ZNF704: variants seen among roughly 807,000 people sequenced by gnomAD.
The protein encoded by ZNF704 is zinc finger protein 704.
A neutral mutation model predicts 44.7 loss-of-function variants in ZNF704; 10 were observed. The ratio of observed to expected loss-of-function variants is 0.22; its 90% CI spans 0.14 to 0.38. The LOEUF (loss-of-function observed/expected upper bound fraction) is 0.38, where lower values mean the gene tolerates loss of function less well. ZNF704 is among the 10% of genes least tolerant of loss of function. ZNF704 has a pLI of 1.00. For synonymous variants in ZNF704, 211 were observed against 207.6 expected, an observed-to-expected ratio of 1.02 and a Z score of -0.14; for missense variants, 390 against 545.5, an observed-to-expected ratio of 0.71 and a Z score of 2.84.
At chr8:80,850,244 G>A (rs766656078) in intron 1 of ZNF704, among the ~76,000 whole-genome samples, 28 of 151,758 alleles carry the variant, frequency 1.8e-4, no homozygotes, top group Non-Finnish European at 3.4e-4. Context: ...TTTTTTGTCC[G>A]TTATTTTTCT....
chr8:80,727,231 TTTC>T (rs1806496095), intron 2 of ZNF704, among the ~76,000 whole-genome samples: 1 of 152,142 alleles, frequency 6.6e-6, no homozygotes, highest in Non-Finnish European at 1.5e-5. Context: ...ATCGCACACA[TTTC>T]TCCCTTGCTA....
Position 80,635,905 on chromosome 8 carries a change from G to C in ZNF704, c.*5461C>G, listed in dbSNP as rs1474093315. 1 of 152,124 alleles carries C rather than the reference G, an allele frequency of 6.6e-6. No homozygotes were observed. The highest frequency in any genetic ancestry group is 1.9e-4 in the East Asian group (1 of 5,202). 9.4% of individuals were successfully genotyped at this position (152,124 alleles called of 1,614,324 possible). ...TATGCATCAAAACATTTGCTTAAAAGAGACATAGCCCTTTGTTTGGTGAGC... is the reference window on the plus strand; with the variant it reads ...TATGCATCAAAACATTTGCTTAAAACAGACATAGCCCTTTGTTTGGTGAGC... On this transcript the variant is annotated 3_prime_UTR_variant, in exon 9 of 9. Coordinates refer to ENST00000327835, the MANE Select transcript of ZNF704 (RefSeq NM_001033723.3).
At chr8:80,774,610 A>G (rs1807380203) in intron 2 of ZNF704, among the ~76,000 whole-genome samples, 1 of 152,114 alleles carries the variant, frequency 6.6e-6, no homozygotes, top group African/African-American at 2.4e-5. Context: ...TAAAAATCTA[A>G]GCTCCTTTCT....
chr8:80,729,983 T>C (rs370706160), intron 2 of ZNF704, among the ~76,000 whole-genome samples: 9 of 152,292 alleles, frequency 5.9e-5, no homozygotes, highest in African/African-American at 1.9e-4. Context: ...TCTAGAGAAT[T>C]GTATGCCCCA....
rs537792884 is a variant in ZNF704 at position 80,760,672 on chromosome 8, A to C, written c.221+60702T>G. Among the ~76,000 whole-genome samples, 12 of 151,608 alleles carry C rather than the reference A, an allele frequency of 7.9e-5. No individual in the cohort carries two copies. The East Asian group carries it at 1.7e-3, about 22-fold the overall frequency. On this transcript the variant is annotated intron_variant, in intron 2 of 8. Transcript: ENST00000327835. ...TCCATCTCAAAAAAAAAAAAAAAAAAAACCAAAAAACAAAAAACAAAACCT... is the reference window on the plus strand; with the variant it reads ...TCCATCTCAAAAAAAAAAAAAAAAACAACCAAAAAACAAAAAACAAAACCT...
intron 7 of ZNF704, among the ~76,000 whole-genome samples, chr8:80,645,426 G>A (rs1211754637): frequency 1.3e-5 from 2 of 152,174 alleles, no homozygotes; most frequent in Non-Finnish European, 2.9e-5. Context: ...GTAAAGGAAT[G>A]CACATGACAC....
intron 1 of ZNF704, among the ~76,000 whole-genome samples, chr8:80,848,921 A>T (rs1251450220): frequency 6.6e-6 from 1 of 152,186 alleles, no homozygotes; most frequent in African/African-American, 2.4e-5. Context: ...AGAGCTAGTT[A>T]AAAAATAAGA....
At chr8:80,650,387 G>T (rs183794191) in intron 7 of ZNF704, among the ~76,000 whole-genome samples, 1 of 152,160 alleles carries the variant, frequency 6.6e-6, no homozygotes, top group Non-Finnish European at 1.5e-5. Flanking sequence ...GAGGAAGTTC[G>T]AACCCATGGC....
intron 1 of ZNF704, among the ~76,000 whole-genome samples, chr8:80,844,854 T>TTTA (rs1284208663): frequency 6.6e-6 from 1 of 151,660 alleles, no homozygotes; most frequent in Non-Finnish European, 1.5e-5. Flanking sequence ...TATTTATTTA[T>TTTA]TTATTTATTG....
At chr8:80,787,379 G>A (rs1047693811) in intron 2 of ZNF704, among the ~76,000 whole-genome samples, 3 of 152,140 alleles carry the variant, frequency 2.0e-5, no homozygotes, top group African/African-American at 7.2e-5. Flanking sequence ...CATGTCACCA[G>A]CAATCCAGGA....
rs960088898 is a variant in ZNF704, at chr8:80,640,924, G to T, written c.*442C>A. ...ATTATTCACAACAAAAGTAAGTATTGATCTTTGTACAAATGCTACTGAATA... is the reference window on the plus strand; with the variant it reads ...ATTATTCACAACAAAAGTAAGTATTTATCTTTGTACAAATGCTACTGAATA... On this transcript the variant is annotated 3_prime_UTR_variant, in exon 9 of 9. Coordinates refer to ENST00000327835, the MANE Select transcript of ZNF704 (RefSeq NM_001033723.3). 2 of 154,418 alleles carry T rather than the reference G, an allele frequency of 1.3e-5. No individual in the cohort carries two copies. The highest frequency in any genetic ancestry group is 2.9e-5 in the Non-Finnish European group (2 of 69,206). The allele number at this position is 154,418 out of a possible 1,614,324, so 9.6% of individuals were successfully genotyped here.
At chr8:80,749,876 G>A (rs1806911776) in intron 2 of ZNF704, among the ~76,000 whole-genome samples, 1 of 152,204 alleles carries the variant, frequency 6.6e-6, no homozygotes, top group African/African-American at 2.4e-5. Flanking sequence ...AACCAGGGAT[G>A]GACCCTCCTT....
intron 2 of ZNF704, among the ~76,000 whole-genome samples, chr8:80,766,927 C>T (rs959591975): frequency 3.3e-5 from 5 of 152,020 alleles, no homozygotes; most frequent in East Asian, 1.9e-4. Flanking sequence ...TGGCCAGGCT[C>T]GTCTTGAACT....
At chr8:80,661,128 G>C (rs777299939) in intron 6 of ZNF704, among the ~76,000 whole-genome samples, 19 of 151,996 alleles carry the variant, frequency 1.3e-4, no homozygotes, top group Non-Finnish European at 2.4e-4. Flanking sequence ...TAAAAAGTGG[G>C]CAAAGGACCT....
chr8:80,764,988 T>C (rs1375367244), intron 2 of ZNF704, among the ~76,000 whole-genome samples: 1 of 152,166 alleles, frequency 6.6e-6, no homozygotes, highest in Non-Finnish European at 1.5e-5. Context: ...CATAGGATTA[T>C]GGTGGTTGAG....
intron 2 of ZNF704, among the ~76,000 whole-genome samples, chr8:80,754,180 C>A (rs1056610065): frequency 6.6e-6 from 1 of 151,806 alleles, no homozygotes; most frequent in African/African-American, 2.4e-5. Context: ...TTTAACATTT[C>A]TTTCAGTTTA....
chr8:80,692,996 G>A lies in ZNF704; in HGVS notation c.325+8C>T. The A allele has an allele frequency of 6.2e-7, 1 of 1,613,624 alleles. No homozygotes were observed. On this transcript the variant is annotated splice_region_variant and intron_variant, in intron 3 of 8. Coordinates refer to ENST00000327835, the MANE Select transcript of ZNF704 (RefSeq NM_001033723.3). ...GGCCCTTCCCTAAGTCCCATATCCTGGGCTTACCGTTCGGCCGCACGGGAG... is the reference window on the plus strand; with the variant it reads ...GGCCCTTCCCTAAGTCCCATATCCTAGGCTTACCGTTCGGCCGCACGGGAG...
intron 2 of ZNF704, among the ~76,000 whole-genome samples, chr8:80,779,580 G>A (rs1036044754): frequency 6.6e-6 from 1 of 151,952 alleles, no homozygotes; most frequent in Non-Finnish European, 1.5e-5. Flanking sequence ...TATAAAGAAT[G>A]ACATCTTTAC....
intron 2 of ZNF704, among the ~76,000 whole-genome samples, chr8:80,704,657 T>C (rs1189856492): frequency 6.6e-6 from 1 of 152,098 alleles, no homozygotes; most frequent in Non-Finnish European, 1.5e-5. Flanking sequence ...CATGCCTACA[T>C]ACAAAGCCTC....
Sources: gnomAD v4.1 joint callset for allele counts (sites outside exome capture counted in the v4.1 genomes callset) on GRCh38, gnomAD v4.1.1 for gene constraint, MANE v1.5 for transcripts, NCBI Gene and HGNC (gene_info 2026-07-23, HGNC 2026-07-21) for gene names.